Variants in RYR2 observed in about 807,000 individuals in gnomAD.
RYR2 encodes ryanodine receptor 2.
In RYR2, 227 loss-of-function variants were observed where a neutral mutation model predicts 601.1. The observed-to-expected ratio is 0.38, with a 90% CI of 0.34 to 0.42. The LOEUF is 0.42. Ranked by LOEUF, RYR2 falls within the 10% of genes least tolerant of loss-of-function variation. The pLI is 1.00. For missense variants in RYR2, 4,646 were observed against 6,156.5 expected (o/e 0.75, Z 8.21); for synonymous variants, 2,223 against 2,175.1 (o/e 1.02, Z -0.61).
intron 27 of RYR2, chr1:237,554,928 T>C (rs1670743365): frequency 6.6e-6 from 1 of 152,138 alleles, no homozygotes; most frequent in African/African-American, 2.4e-5. Flanking sequence ...CAAAGGTTAA[T>C]TGAACTTAAA....
chr1:237,530,266 G>A (rs372685194), intron 24 of RYR2, among the ~76,000 whole-genome samples, 161 bp from the exon 25 acceptor site: 3 of 151,366 alleles, frequency 2.0e-5, no homozygotes, highest in East Asian at 2.0e-4. Context: ...AGCCGAGATC[G>A]CGCCACTGCA....
At chr1:237,059,882 T>C (rs556875692) in intron 1 of RYR2, among the ~76,000 whole-genome samples, 1 of 152,324 alleles carries the variant, frequency 6.6e-6, no homozygotes, top group Admixed American at 6.5e-5. Flanking sequence ...CAAAGATATA[T>C]ATACTCACTA....
chr1:237,570,378 G>C (rs936938389), intron 29 of RYR2, among the ~76,000 whole-genome samples: 1 of 145,590 alleles, frequency 6.9e-6, no homozygotes, highest in Non-Finnish European at 1.5e-5. Context: ...TGCTCTTGTC[G>C]CCCGGGCTGG....
chr1:237,730,243 T>C lies in RYR2; in HGVS notation c.10839-17T>C, dbSNP rs1387899419. On this transcript the variant is annotated splice_polypyrimidine_tract_variant and intron_variant, in intron 76 of 104. Transcript: ENST00000366574. ...TTTTCTAAACACCCTTTTTCTGAAA[T>C]TGTGCTTACCTTTCAGGCATCGGGC... 8 of 1,478,990 alleles carry C rather than the reference T, an allele frequency of 5.4e-6. No homozygotes were observed. Among genetic ancestry groups the C allele is most frequent in the Non-Finnish European group, 7.6e-6 (8 of 1,057,146 alleles). 91.6% of individuals were successfully genotyped at this position (1,478,990 alleles called of 1,614,324 possible).
intron 1 of RYR2, among the ~76,000 whole-genome samples, chr1:237,170,951 T>C (rs191235209): frequency 6.6e-5 from 10 of 152,154 alleles, no homozygotes; most frequent in Admixed American, 5.2e-4. Flanking sequence ...AGGAGGGATA[T>C]TGTTTATGGT....
chr1:237,832,868 G>A lies in RYR2; in HGVS notation c.*221G>A. ...GAAGAATAATCTAAATTCATACTCA[G>A]ACAAAAAAAGGAATTCTGGAAAGAA... On this transcript the variant is annotated 3_prime_UTR_variant, in exon 105 of 105. Transcript: ENST00000366574. 4.9e-6 allele frequency: 2 copies of A among 404,642 alleles called. No individual in the cohort carries two copies. The highest frequency in any genetic ancestry group is 4.5e-6 in the Non-Finnish European group (1 of 224,164). The allele number at this position is 404,642 out of a possible 1,614,324, so 25.1% of individuals were successfully genotyped here.
At chr1:237,323,820 G>A (rs895581982) in intron 2 of RYR2, among the ~76,000 whole-genome samples, 1 of 152,162 alleles carries the variant, frequency 6.6e-6, no homozygotes, top group Non-Finnish European at 1.5e-5. Flanking sequence ...TGTTTCTGAA[G>A]ATTCAAAGGA....
chr1:237,643,281 A>G, intron 47 of RYR2, 46 bp from the exon 48 acceptor site: 1 of 1,599,910 alleles, frequency 6.3e-7, no homozygotes, highest in Non-Finnish European at 8.5e-7. Context: ...GAATTGTAAC[A>G]TTGATGTCAC....
chr1:237,073,755 C>T (rs543067692), intron 1 of RYR2, among the ~76,000 whole-genome samples: 1 of 151,242 alleles, frequency 6.6e-6, no homozygotes, highest in Non-Finnish European at 1.5e-5. Context: ...CCTGTAGTCC[C>T]AGCTACTCAG....
intron 1 of RYR2, among the ~76,000 whole-genome samples, chr1:237,132,105 CTG>C (rs1369890837): frequency 6.6e-6 from 1 of 152,188 alleles, no homozygotes; most frequent in East Asian, 1.9e-4. Flanking sequence ...GCAAAAATGA[CTG>C]TGTAATTTCT....
chr1:237,621,685 C>T (rs1459554814), intron 38 of RYR2, among the ~76,000 whole-genome samples: 2 of 152,116 alleles, frequency 1.3e-5, no homozygotes, highest in Non-Finnish European at 2.9e-5. Flanking sequence ...AATCTTTCTA[C>T]AATGTATACA....
In RYR2 at chr1:237,065,269, C is replaced by CTTTTTTTTT. The variant is rs766039441; in HGVS notation, c.48+22719_48+22727dup. ...CCTCAAAGAGCTCTTGTGTGCTATC[C>CTTTTTTTTT]TTTTTTTTTTTTTTTTTTTTTTTTT... On this transcript the variant is annotated intron_variant, in intron 1 of 104. Transcript: ENST00000366574. 7.7e-5 allele frequency among the ~76,000 whole-genome samples: 6 copies of CTTTTTTTTT among 77,508 alleles called. 3 individuals are homozygous for CTTTTTTTTT. The highest frequency in any genetic ancestry group is 1.0e-4 in the African/African-American group (2 of 19,192). 50.8% of individuals were successfully genotyped at this position (77,508 alleles called of 152,430 possible). A position where few individuals can be genotyped will look rare whatever the true frequency, so the allele number is the denominator to read the frequency against.
At chr1:237,383,522 C>T (rs1347487676) in intron 8 of RYR2, among the ~76,000 whole-genome samples, 3 of 146,610 alleles carry the variant, frequency 2.0e-5, no homozygotes, top group Non-Finnish European at 3.0e-5. Flanking sequence ...CTCCACCTCC[C>T]GGGTTCACGC....
intron 25 of RYR2, among the ~76,000 whole-genome samples, chr1:237,543,711 TA>T (rs1472489545): frequency 6.6e-6 from 1 of 152,032 alleles, no homozygotes; most frequent in South Asian, 2.1e-4. Flanking sequence ...GGGGGTGGCT[TA>T]AAAAAAACAA....
chr1:237,236,251 C>T (rs1685540038), intron 1 of RYR2, among the ~76,000 whole-genome samples: 1 of 152,144 alleles, frequency 6.6e-6, no homozygotes, highest in Admixed American at 6.5e-5. Context: ...CTCCTTTGCT[C>T]GTAGCACTCA....
intron 2 of RYR2, among the ~76,000 whole-genome samples, chr1:237,311,922 A>C (rs1694607767): frequency 6.6e-6 from 1 of 152,236 alleles, no homozygotes; most frequent in Non-Finnish European, 1.5e-5. Flanking sequence ...GCTATATTGC[A>C]GTTCTATGTC....
intron 96 of RYR2, among the ~76,000 whole-genome samples, chr1:237,797,330 G>A (rs1229968176): frequency 1.3e-5 from 2 of 152,100 alleles, no homozygotes; most frequent in South Asian, 2.1e-4. Flanking sequence ...TATACTAGAT[G>A]CTAATTAAAA....
chr1:237,097,316 C>T (rs1435309012), intron 1 of RYR2, among the ~76,000 whole-genome samples: 2 of 152,122 alleles, frequency 1.3e-5, no homozygotes, highest in Non-Finnish European at 2.9e-5. Context: ...GGGGAAGAAA[C>T]TGAGCTATAT....
intron 20 of RYR2, 130 bp from the exon 21 acceptor site, chr1:237,500,581 C>A: frequency 1.4e-6 from 1 of 704,126 alleles, no homozygotes. Flanking sequence ...CGTTTACATT[C>A]AAGATTTATT....
Sources: allele counts gnomAD v4.1 joint callset (sites outside exome capture counted in the v4.1 genomes callset), GRCh38; gene constraint gnomAD v4.1.1; transcripts MANE v1.5; gene names NCBI Gene and HGNC (gene_info 2026-07-23, HGNC 2026-07-21).